Variants in AHCY observed in about 807,000 individuals in gnomAD.
The protein encoded by AHCY is S-adenosyl-L-homocysteine hydrolase.
A neutral mutation model predicts 45.4 loss-of-function variants in AHCY; 24 were observed. That is an observed-to-expected ratio of 0.53 (90% CI 0.38 to 0.74). AHCY has a LOEUF of 0.74. Among genes scored for constraint, AHCY ranks in the 30% least tolerant of loss-of-function variants. The pLI, the probability that AHCY is intolerant of heterozygous loss-of-function variation, is 0.00. For missense variants in AHCY, 449 were observed against 594.1 expected (o/e 0.76, Z 2.54); for synonymous variants, 245 against 235.1 (o/e 1.04, Z -0.39).
At chr20:34,253,046 A>G in the AHCY span, among the ~76,000 whole-genome samples, 1 of 152,192 alleles carries the variant, frequency 6.6e-6, no homozygotes, top group Non-Finnish European at 1.5e-5. Context: ...ACAGATCAAA[A>G]TGGAGTTTTT....
chr20:34,235,908 AAGG>A, the AHCY span, among the ~76,000 whole-genome samples: 1 of 113,830 alleles, frequency 8.8e-6, no homozygotes, highest in Non-Finnish European at 1.6e-5. Context: ...GAAAGGAAGG[AAGG>A]AAGGAAGGAA....
the AHCY span, among the ~76,000 whole-genome samples, chr20:34,244,018 T>C: frequency 7.9e-5 from 12 of 152,268 alleles, no homozygotes; most frequent in South Asian, 1.7e-3. Flanking sequence ...TGAGCCGAGA[T>C]TGCGCCACTG....
the AHCY span, among the ~76,000 whole-genome samples, chr20:34,258,690 T>TATATATATATATATATATATATATACAC: frequency 9.7e-5 from 7 of 72,306 alleles, no homozygotes; most frequent in African/African-American, 3.7e-4. Flanking sequence ...TATATATATA[T>TATATATATATATATATATATATATACAC]ACATACTATA....
chr20:34,291,399 G>A lies in AHCY; in HGVS notation c.558+20C>T, dbSNP rs2036388158. On this transcript the variant is annotated intron_variant, in intron 5 of 9. Coordinates refer to ENST00000217426, the MANE Select transcript of AHCY (RefSeq NM_000687.4). ...AGCTGCAGCCACTGTAGCGGGAGCTGTCACTGCCCCTCGGCTCACCTTGGT... is the reference window on the plus strand; with the variant it reads ...AGCTGCAGCCACTGTAGCGGGAGCTATCACTGCCCCTCGGCTCACCTTGGT... 1.2e-6 allele frequency: 2 copies of A among 1,605,742 alleles called. No homozygotes were observed. Among genetic ancestry groups the A allele is most frequent in the African/African-American group, 1.3e-5 (1 of 74,884 alleles).
At chr20:34,246,047 C>T in the AHCY span, 1 of 921,852 alleles carries the variant, frequency 1.1e-6, no homozygotes, top group Non-Finnish European at 1.8e-6. Flanking sequence ...GTAAAGTCTC[C>T]CCGAATAATT....
the AHCY span, among the ~76,000 whole-genome samples, chr20:34,235,435 A>C: frequency 6.6e-6 from 1 of 150,766 alleles, no homozygotes; most frequent in Admixed American, 6.6e-5. Context: ...GTGAGACTCC[A>C]TCTCAAAAAC....
chr20:34,307,307 C>G (rs1445088080), upstream of AHCY, among the ~76,000 whole-genome samples: 1 of 152,018 alleles, frequency 6.6e-6, no homozygotes, highest in Non-Finnish European at 1.5e-5. Context: ...CCAGGCTGGT[C>G]TTGAACCTCT....
chr20:34,239,963 G>C, the AHCY span, among the ~76,000 whole-genome samples: 1 of 152,144 alleles, frequency 6.6e-6, no homozygotes, highest in African/African-American at 2.4e-5. Context: ...AAAACATAGC[G>C]ATGAATCTCT....
intron 1 of AHCY, chr20:34,302,761 G>A (rs1402248750): frequency 1.0e-6 from 1 of 991,856 alleles, no homozygotes; most frequent in Admixed American, 6.1e-5. Flanking sequence ...GATCGGAGCC[G>A]GCCTGGGGCT....
At chr20:34,299,388 T>C (rs1209525383) in intron 1 of AHCY, among the ~76,000 whole-genome samples, 1 of 152,212 alleles carries the variant, frequency 6.6e-6, no homozygotes, top group Non-Finnish European at 1.5e-5. Context: ...AAACCCTTTC[T>C]TTACTTGGCT....
Position 34,280,840 on chromosome 20 carries a change from G to T in AHCY, c.*194C>A. On this transcript the variant is annotated 3_prime_UTR_variant, in exon 10 of 10. Transcript: ENST00000217426. ...CCATCATGACCGGGGCTTGAAGAGG[G>T]TACTCTGTTCCCGCTGCCACATTTG... 1.3e-6 allele frequency: 1 copy of T among 788,264 alleles called. No homozygotes were observed. The highest frequency in any genetic ancestry group is 2.0e-6 in the Non-Finnish European group (1 of 494,010). 48.8% of individuals were successfully genotyped at this position (788,264 alleles called of 1,614,324 possible). A position where few individuals can be genotyped will look rare whatever the true frequency, so the allele number is the denominator to read the frequency against.
At chr20:34,239,025 A>G in the AHCY span, among the ~76,000 whole-genome samples, 1 of 152,142 alleles carries the variant, frequency 6.6e-6, no homozygotes, top group African/African-American at 2.4e-5. Flanking sequence ...ATCTTCCCAG[A>G]ATACTTTCCT....
Position 34,295,505 on chromosome 20 carries a change from C to T in AHCY, c.109G>A (p.Glu37Lys). 2 of 1,614,046 alleles carry T rather than the reference C, an allele frequency of 1.2e-6. No homozygotes were observed. The highest frequency in any genetic ancestry group is 1.7e-6 in the Non-Finnish European group (2 of 1,180,020). ...AGTGGCTTGGAGGCCGAGTACCGCT[C>T]CCGCATACGCATCAGGCCCGGCATC... is the stretch of plus-strand genomic sequence containing the variant. Reference protein sequence around the residue: ...NEMPGLMRMRERYSASKPLKG... With the variant: ...NEMPGLMRMRKRYSASKPLKG... Residue 37 changes from glutamate to lysine, a missense_variant, in exon 2 of 10, where the codon GAG (glutamate) becomes AAG (lysine). Glu to Lys is a moderately conservative substitution (Grantham distance 56). Transcript: ENST00000217426.
chr20:34,261,461 C>T, the AHCY span, among the ~76,000 whole-genome samples: 1 of 152,176 alleles, frequency 6.6e-6, no homozygotes, highest in African/African-American at 2.4e-5. Context: ...GGGTGAAACC[C>T]CGTCCCTATT....
chr20:34,251,319 G>A, the AHCY span, among the ~76,000 whole-genome samples: 2 of 151,550 alleles, frequency 1.3e-5, no homozygotes, highest in Non-Finnish European at 2.9e-5. Flanking sequence ...CGCCCAGGCT[G>A]GAGTGCAGTG....
At chr20:34,301,310 C>T (rs2036764161) in intron 1 of AHCY, among the ~76,000 whole-genome samples, 4 of 152,148 alleles carry the variant, frequency 2.6e-5, no homozygotes, top group Admixed American at 2.6e-4. Flanking sequence ...CATGTCCCTC[C>T]AGCTAAAAAT....
chr20:34,268,792 G>A, the AHCY span, among the ~76,000 whole-genome samples: 2 of 152,024 alleles, frequency 1.3e-5, no homozygotes, highest in Admixed American at 1.3e-4. Flanking sequence ...AGACGACCAG[G>A]GCCAGGCAAG....
the AHCY span, among the ~76,000 whole-genome samples, chr20:34,267,545 T>C: frequency 6.6e-6 from 1 of 152,030 alleles, no homozygotes; most frequent in East Asian, 1.9e-4. Flanking sequence ...TATTTATTTT[T>C]TTTGAGACAG....
the AHCY span, among the ~76,000 whole-genome samples, chr20:34,258,694 T>TATATATATATATATATATATATATAAAA: frequency 2.7e-5 from 1 of 37,060 alleles, no homozygotes; most frequent in East Asian, 1.0e-3. Flanking sequence ...TATATATACA[T>TATATATATATATATATATATATATAAAA]ACTATATATA....
Sources: allele counts gnomAD v4.1 joint callset (sites outside exome capture counted in the v4.1 genomes callset), GRCh38; gene constraint gnomAD v4.1.1; transcripts MANE v1.5; gene names NCBI Gene and HGNC (gene_info 2026-07-23, HGNC 2026-07-21).